Variants in TGOLN2 observed in about 807,000 individuals in gnomAD.
The protein encoded by TGOLN2 is trans-Golgi network integral membrane protein 2.
In TGOLN2, 19 loss-of-function variants were observed where a neutral mutation model predicts 31.3. The observed-to-expected ratio is 0.61, with a 90% CI of 0.42 to 0.89. The LOEUF (loss-of-function observed/expected upper bound fraction) is 0.89, where lower values mean the gene tolerates loss of function less well. Ranked by LOEUF, TGOLN2 falls within the 40% of genes least tolerant of loss-of-function variation. The probability of loss-of-function intolerance (pLI) is 0.00; values close to 1 mark genes in which losing one functional copy is unlikely to be tolerated. For synonymous variants in TGOLN2, 222 were observed against 226.7 expected (o/e 0.98, Z 0.19); for missense variants, 540 against 559.2 (o/e 0.97, Z 0.35).
chr2:85,320,032 T>C lies in TGOLN2; in HGVS notation c.*2704A>G, dbSNP rs1682496184. The C allele has an allele frequency of 6.6e-6, 1 of 151,850 alleles. No individual in the cohort carries two copies. The highest frequency in any genetic ancestry group is 6.6e-5 in the Admixed American group (1 of 15,224). 9.4% of individuals were successfully genotyped at this position (151,850 alleles called of 1,614,324 possible). ...ACTGGGCCCTGACGAAACAGGCGGA[T>C]TGGGGAAGGAGAAAGAAGGAAGGGA... is the stretch of plus-strand genomic sequence containing the variant. On this transcript the variant is annotated 3_prime_UTR_variant, in exon 4 of 4. Transcript: ENST00000377386.
At position 85,318,241 on chromosome 2, in the gene TGOLN2, C is replaced by T. The variant is rs775458865; in HGVS notation, c.*4495G>A. ...TGTGGAAACAGTGACCATCTATTAA[C>T]TGGGAAAACACAAAAGAAGAGAAAC... On this transcript the variant is annotated 3_prime_UTR_variant, in exon 4 of 4. Transcript: ENST00000377386. The T allele has an allele frequency of 6.6e-6, 1 of 152,266 alleles. No homozygotes were observed. The highest frequency in any genetic ancestry group is 6.5e-5 in the Admixed American group (1 of 15,292). 9.4% of individuals were successfully genotyped at this position (152,266 alleles called of 1,614,324 possible).
chr2:85,323,900 C>T (rs533582131), intron 3 of TGOLN2, among the ~76,000 whole-genome samples: 32 of 152,172 alleles, frequency 2.1e-4, no homozygotes, highest in Non-Finnish European at 4.1e-4. Context: ...TTTAGAGAGA[C>T]CCTTGCTTAG....
At chr2:85,327,894 G>T (rs377458524) in intron 1 of TGOLN2, 23 bp downstream of exon 1, 19 of 1,595,374 alleles carry the variant, frequency 1.2e-5, no homozygotes, top group Non-Finnish European at 1.5e-5. Flanking sequence ...GGCAAGAGTG[G>T]GATGCGGGAT....
At chr2:85,327,708 C>T (rs1221157055) in intron 1 of TGOLN2, 23 bp from the exon 2 acceptor site, 1 of 1,599,206 alleles carries the variant, frequency 6.3e-7, no homozygotes, top group Admixed American at 1.7e-5. Context: ...AACGAGTTAG[C>T]ACCGGAGAAG....
rs1682438055 is a variant in TGOLN2, at chr2:85,318,306, T to G, written c.*4430A>C. On this transcript the variant is annotated 3_prime_UTR_variant, in exon 4 of 4. Coordinates refer to ENST00000377386, the MANE Select transcript of TGOLN2 (RefSeq NM_006464.4). Reference sequence around the variant, plus strand: ...ATCATTTATCAAACATGAAGTCTGGTGCATTAAAGGAATATCTATCAGAGG... The same window carrying G: ...ATCATTTATCAAACATGAAGTCTGGGGCATTAAAGGAATATCTATCAGAGG... 6.6e-6 allele frequency: 1 copy of G among 152,174 alleles called. No homozygotes were observed. The highest frequency in any genetic ancestry group is 1.5e-5 in the Non-Finnish European group (1 of 68,036). The allele number at this position is 152,174 out of a possible 1,614,324, so 9.4% of individuals were successfully genotyped here. A position where few individuals can be genotyped will look rare whatever the true frequency, so the allele number is the denominator to read the frequency against.
intron 3 of TGOLN2, 169 bp downstream of exon 3, chr2:85,324,746 T>C: frequency 3.0e-6 from 2 of 666,562 alleles, no homozygotes; most frequent in South Asian, 1.7e-5. Flanking sequence ...TATGTGTATC[T>C]AGATGTTTCT....
intron 3 of TGOLN2, among the ~76,000 whole-genome samples, chr2:85,323,723 G>A (rs554802849): frequency 1.3e-5 from 2 of 152,344 alleles, no homozygotes; most frequent in East Asian, 3.9e-4. Flanking sequence ...ATATTGAGTT[G>A]TGCAAGAGAA....
At position 85,320,906 on chromosome 2, in the gene TGOLN2, G is replaced by C. The variant is rs942256307; in HGVS notation, c.*1830C>G. 2.6e-5 allele frequency: 4 copies of C among 151,664 alleles called. No individual in the cohort carries two copies. Among genetic ancestry groups the C allele is most frequent in the African/African-American group, 9.7e-5 (4 of 41,238 alleles). 9.4% of individuals were successfully genotyped at this position (151,664 alleles called of 1,614,324 possible). A position where few individuals can be genotyped will look rare whatever the true frequency, so the allele number is the denominator to read the frequency against. ...GTGATTGGATAACTGGTAACCTTTA[G>C]AAAAGTTTAGTTGACAGACAGAGAC... On this transcript the variant is annotated 3_prime_UTR_variant, in exon 4 of 4. Coordinates refer to ENST00000377386, the MANE Select transcript of TGOLN2 (RefSeq NM_006464.4).
rs773096788 is a variant in TGOLN2 at position 85,326,718 on chromosome 2, C to T, written c.1014G>A (p.Pro338=). Residue 338 remains proline (P), a synonymous_variant, in exon 2 of 4, where the codon CCG becomes CCA. Coordinates refer to ENST00000377386, the MANE Select transcript of TGOLN2 (RefSeq NM_006464.4). The stretch of plus-strand genomic sequence containing the variant: ...ACATCTTTTCTTTCTCTTCTTTGGG[C>T]GGTGAGCCCTCCTCGGGTCCTGTAT... ...DDDTGPEEGS[P]PKEEKEKMSG... 6.8e-6 allele frequency: 11 copies of T among 1,614,034 alleles called. No homozygotes were observed. Among genetic ancestry groups the T allele is most frequent in the Non-Finnish European group, 8.5e-6 (10 of 1,179,900 alleles).
At chr2:85,323,974 C>T (rs920871439) in intron 3 of TGOLN2, among the ~76,000 whole-genome samples, 2 of 152,220 alleles carry the variant, frequency 1.3e-5, no homozygotes, top group African/African-American at 2.4e-5. Flanking sequence ...TGGCTGTACT[C>T]AGGAACTCCA....
At position 85,325,664 on chromosome 2, in the gene TGOLN2, G is replaced by A. The variant is rs369427990; in HGVS notation, c.1225-666C>T. Among the ~76,000 whole-genome samples, 3 of 152,140 alleles carry A rather than the reference G, an allele frequency of 2.0e-5. No individual in the cohort carries two copies. The East Asian group carries it at 5.8e-4, about 29-fold the overall frequency. On this transcript the variant is annotated intron_variant, in intron 2 of 3. Transcript: ENST00000377386. ...GGCTAATTTTTTTATTATATGTAGA[G>A]ACGAGGTCTTGCTATGTTGGCCAGG... is the stretch of plus-strand genomic sequence containing the variant.
At position 85,326,583 on chromosome 2, in the gene TGOLN2, G is replaced by A; in HGVS notation, c.1149C>T (p.Ser383=). Residue 383 remains serine, a synonymous_variant, in exon 2 of 4, where the codon AGC becomes AGT. Transcript: ENST00000377386. ...NGSGNGSAES[S]HFFAYLVTAA... The stretch of plus-strand genomic sequence containing the variant: ...CAGTCACCAGATATGCAAAGAAGTG[G>A]CTGCTCTCCGCGCTGCCATTTCCAG... 6.2e-7 allele frequency: 1 copy of A among 1,614,006 alleles called. No homozygotes were observed. Among genetic ancestry groups the A allele is most frequent in the African/African-American group, 1.3e-5 (1 of 75,048 alleles).
In TGOLN2 at chr2:85,327,621, T is replaced by G. The variant is rs1346183248; in HGVS notation, c.111A>C (p.Ala37=). ...KQEEAGVRPS[A]GNVSTHPSLS... ...AGCTGGGGTGGGTGGAGACGTTTCCTGCAGAAGGCCGTACTCCAGCTTCTT... is the reference window on the plus strand; with the variant it reads ...AGCTGGGGTGGGTGGAGACGTTTCCGGCAGAAGGCCGTACTCCAGCTTCTT... The change falls in exon 2 of 4, where the codon GCA becomes GCC. Residue 37 remains alanine, a synonymous_variant. Coordinates refer to ENST00000377386, the MANE Select transcript of TGOLN2 (RefSeq NM_006464.4). 8 of 1,613,910 alleles carry G rather than the reference T, an allele frequency of 5.0e-6. No homozygotes were observed. Among genetic ancestry groups the G allele is most frequent in the Non-Finnish European group, 6.8e-6 (8 of 1,179,894 alleles).
Position 85,326,734 on chromosome 2 carries a change from G to A in TGOLN2, c.998C>T (p.Pro333Leu), listed in dbSNP as rs752867738. Reference sequence around the variant, plus strand: ...TTCTTTGGGCGGTGAGCCCTCCTCGGGTCCTGTATCATCATCTTCAGCCTC... The same window carrying A: ...TTCTTTGGGCGGTGAGCCCTCCTCGAGTCCTGTATCATCATCTTCAGCCTC... ...PKEAEDDDTG[P>L]EEGSPPKEEK... Residue 333 changes from proline to leucine, a missense_variant, in exon 2 of 4, where the codon CCC (proline) becomes CTC (leucine). By Grantham distance (98) the Pro-to-Leu change is moderately conservative (BLOSUM62 -3). Transcript: ENST00000377386. 1 of 1,613,990 alleles carries A rather than the reference G, an allele frequency of 6.2e-7. No individual in the cohort carries two copies. The highest frequency in any genetic ancestry group is 1.1e-5 in the South Asian group (1 of 91,078).
At position 85,322,378 on chromosome 2, in the gene TGOLN2, C is replaced by G. The variant is rs765831001; in HGVS notation, c.*358G>C. The G allele has an allele frequency of 2.8e-6, 1 of 362,056 alleles. No individual in the cohort carries two copies. The highest frequency in any genetic ancestry group is 2.9e-5 in the South Asian group (1 of 34,692). 22.4% of individuals were successfully genotyped at this position (362,056 alleles called of 1,614,324 possible). A position where few individuals can be genotyped will look rare whatever the true frequency, so the allele number is the denominator to read the frequency against. On this transcript the variant is annotated 3_prime_UTR_variant, in exon 4 of 4. Transcript: ENST00000377386. ...GGAGGGTGGTCAGCAGCGCAGCCTG[C>G]CCAGGCTGGGATCTCCCTTTGGTCA... is the stretch of plus-strand genomic sequence containing the variant.
In TGOLN2 at chr2:85,320,540, A is replaced by G. The variant is rs879032740; in HGVS notation, c.*2196T>C. The G allele has an allele frequency of 6.6e-6, 1 of 152,234 alleles. No individual in the cohort carries two copies. The highest frequency in any genetic ancestry group is 2.1e-4 in the South Asian group (1 of 4,828). The allele number at this position is 152,234 out of a possible 1,614,324, so 9.4% of individuals were successfully genotyped here. On this transcript the variant is annotated 3_prime_UTR_variant, in exon 4 of 4. Transcript: ENST00000377386. ...TTTAGGTGACCGAAGACTGTCCTAG[A>G]CAGTTGGGAGGGACAGGCTGATGGA...
chr2:85,325,297 C>G (rs1682691231), intron 2 of TGOLN2, among the ~76,000 whole-genome samples: 1 of 152,170 alleles, frequency 6.6e-6, no homozygotes, highest in African/African-American at 2.4e-5. Context: ...GATCTATCAA[C>G]TCCTTCCTAG....
intron 1 of TGOLN2, 79 bp from the exon 2 acceptor site, chr2:85,327,764 G>T: frequency 8.6e-7 from 1 of 1,160,526 alleles, no homozygotes; most frequent in Non-Finnish European, 1.2e-6. Context: ...GAGATCGGGA[G>T]CAGCGGGGGA....
At position 85,321,293 on chromosome 2, in the gene TGOLN2, T is replaced by C. The variant is rs1171432930; in HGVS notation, c.*1443A>G. The stretch of plus-strand genomic sequence containing the variant: ...GAGTTCATTCCTTACCTTCATAAAG[T>C]AGGCTATCCGCCAAGAATGAAAATG... On this transcript the variant is annotated 3_prime_UTR_variant, in exon 4 of 4. Coordinates refer to ENST00000377386, the MANE Select transcript of TGOLN2 (RefSeq NM_006464.4). 1 of 152,656 alleles carries C rather than the reference T, an allele frequency of 6.6e-6. No homozygotes were observed. The highest frequency in any genetic ancestry group is 1.5e-5 in the Non-Finnish European group (1 of 68,046). 9.5% of individuals were successfully genotyped at this position (152,656 alleles called of 1,614,324 possible).
Sources: allele counts gnomAD v4.1 joint callset (sites outside exome capture counted in the v4.1 genomes callset), GRCh38; gene constraint gnomAD v4.1.1; transcripts MANE v1.5; gene names NCBI Gene and HGNC (gene_info 2026-07-23, HGNC 2026-07-21).